Variants in ANKRD6 observed in about 807,000 individuals in gnomAD.
ANKRD6 encodes the protein ankyrin repeat domain-containing protein 6.
ANKRD6 carries 56 observed loss-of-function variants against 82.3 expected under a neutral mutation model. The observed-to-expected ratio is 0.68, with a 90% CI of 0.55 to 0.85. The LOEUF is 0.85. Ranked by LOEUF, ANKRD6 falls within the 40% of genes least tolerant of loss-of-function variation. ANKRD6 has a pLI of 0.00. For synonymous variants in ANKRD6, 347 were observed against 352.1 expected (o/e 0.99, Z 0.16); for missense variants, 852 against 907.6 (o/e 0.94, Z 0.79).
intron 1 of ANKRD6, among the ~76,000 whole-genome samples, chr6:89,455,800 T>A (rs888313422): frequency 1.1e-4 from 17 of 152,164 alleles, no homozygotes; most frequent in African/African-American, 3.9e-4. Flanking sequence ...ATGCTTCCTG[T>A]ACAGCCTGCA....
chr6:89,616,256 G>A (rs768825386), intron 7 of ANKRD6: 25 of 348,396 alleles, frequency 7.2e-5, no homozygotes, highest in South Asian at 1.1e-4. Context: ...TCCTGTCCTC[G>A]TGAGGCTTCA....
intron 2 of ANKRD6, among the ~76,000 whole-genome samples, chr6:89,590,179 C>A (rs1794598764): frequency 6.6e-6 from 1 of 152,098 alleles, no homozygotes; most frequent in African/African-American, 2.4e-5. Context: ...TAGGTTGTGG[C>A]AAGGCAGTAT....
intron 1 of ANKRD6, among the ~76,000 whole-genome samples, chr6:89,546,047 T>C (rs1010614062): frequency 6.6e-6 from 1 of 152,196 alleles, no homozygotes; most frequent in Admixed American, 6.6e-5. Flanking sequence ...GACCTCATGA[T>C]CTGCCCGCCT....
chr6:89,584,768 G>A (rs990794845), intron 2 of ANKRD6, among the ~76,000 whole-genome samples: 36 of 152,182 alleles, frequency 2.4e-4, no homozygotes, highest in African/African-American at 8.4e-4. Flanking sequence ...AAAATACCAC[G>A]TATTCGGTGG....
rs147920615 is a variant in ANKRD6, at chr6:89,454,839, C to T, written c.-144+21464C>T. Among the ~76,000 whole-genome samples, 8 of 151,930 alleles carry T rather than the reference C, an allele frequency of 5.3e-5. No individual in the cohort carries two copies. The East Asian group carries it at 7.7e-4, about 15-fold the overall frequency. ...TTGTCCCTTTAGATGTTTTTGTTGTCTTCTGAGGTTTGTTTGTTTGAGAGG... is the reference window on the plus strand; with the variant it reads ...TTGTCCCTTTAGATGTTTTTGTTGTTTTCTGAGGTTTGTTTGTTTGAGAGG... On this transcript the variant is annotated intron_variant, in intron 1 of 15. Transcript: ENST00000339746.
chr6:89,533,791 G>A (rs1783492336), intron 1 of ANKRD6, among the ~76,000 whole-genome samples: 2 of 150,478 alleles, frequency 1.3e-5, no homozygotes, highest in South Asian at 4.2e-4. Flanking sequence ...TCCATGACCA[G>A]TGTACTCCCC....
rs760856877 is a variant in ANKRD6, at chr6:89,566,933, G to A, written c.-44G>A. 1 of 1,552,136 alleles carries A rather than the reference G, an allele frequency of 6.4e-7. No individual in the cohort carries two copies. Among genetic ancestry groups the A allele is most frequent in the South Asian group, 1.2e-5 (1 of 84,056 alleles). ...GCCAGTGACTTCGTGTTGAGCTGAA[G>A]GAACTTGTCTACCGCTTCCCTGAAA... is the stretch of plus-strand genomic sequence containing the variant. On this transcript the variant is annotated 5_prime_UTR_variant, in exon 2 of 16. Transcript: ENST00000339746.
chr6:89,470,248 C>T (rs548373136), intron 1 of ANKRD6, among the ~76,000 whole-genome samples: 1 of 152,298 alleles, frequency 6.6e-6, no homozygotes, highest in South Asian at 2.1e-4. Context: ...TACATCTTTA[C>T]AAGCTAGTTC....
rs577214650 is a variant in ANKRD6, at chr6:89,632,194, T to C, written c.*1190T>C. The C allele has an allele frequency of 3.3e-5, 5 of 152,346 alleles. No individual in the cohort carries two copies. The highest frequency in any genetic ancestry group is 7.4e-5 in the Non-Finnish European group (5 of 68,020). The allele number at this position is 152,346 out of a possible 1,614,324, so 9.4% of individuals were successfully genotyped here. The stretch of plus-strand genomic sequence containing the variant: ...TATAGACACAGGAACCTAGTGACTA[T>C]TGAACGTAATTGTAATAAAATGCTG... On this transcript the variant is annotated 3_prime_UTR_variant, in exon 16 of 16. Coordinates refer to ENST00000339746, the MANE Select transcript of ANKRD6 (RefSeq NM_001242809.2).
At chr6:89,490,287 A>G (rs1410966229) in intron 1 of ANKRD6, among the ~76,000 whole-genome samples, 1 of 152,204 alleles carries the variant, frequency 6.6e-6, no homozygotes, top group Non-Finnish European at 1.5e-5. Context: ...AATCAGTTTT[A>G]TGGGTGCAAC....
intron 2 of ANKRD6, among the ~76,000 whole-genome samples, chr6:89,582,038 T>C (rs1190166593): frequency 6.6e-6 from 1 of 152,242 alleles, no homozygotes; most frequent in East Asian, 1.9e-4. Flanking sequence ...CTTAGGCTTT[T>C]GTAGTTTATC....
intron 1 of ANKRD6, among the ~76,000 whole-genome samples, chr6:89,539,741 C>CTTTTTTTTTTTT (rs570865099): frequency 4.9e-5 from 7 of 142,684 alleles, no homozygotes; most frequent in Admixed American, 3.5e-4. Context: ...AGGTCTTATT[C>CTTTTTTTTTTTT]TTTTTTTTTT....
intron 9 of ANKRD6, among the ~76,000 whole-genome samples, chr6:89,619,102 A>G (rs1802342420): frequency 6.6e-6 from 1 of 151,952 alleles, no homozygotes; most frequent in South Asian, 2.1e-4. Flanking sequence ...AATGGTTAAG[A>G]TTTTTGTCTT....
chr6:89,460,577 A>G (rs942788673), intron 1 of ANKRD6, among the ~76,000 whole-genome samples: 3 of 151,958 alleles, frequency 2.0e-5, no homozygotes, highest in Non-Finnish European at 4.4e-5. Flanking sequence ...CTGGGATTAC[A>G]GACGCCTGCC....
chr6:89,459,178 A>G (rs1773836840), intron 1 of ANKRD6, among the ~76,000 whole-genome samples: 1 of 152,122 alleles, frequency 6.6e-6, no homozygotes, highest in Non-Finnish European at 1.5e-5. Flanking sequence ...TCCTGGGTTC[A>G]AACGATTCTC....
chr6:89,598,188 A>C (rs1246760883), intron 3 of ANKRD6: 1 of 985,418 alleles, frequency 1.0e-6, no homozygotes, highest in Non-Finnish European at 1.2e-6. Context: ...AACCTGTGGA[A>C]ACCAGTTCTT....
At chr6:89,461,906 C>T (rs943712019) in intron 1 of ANKRD6, among the ~76,000 whole-genome samples, 3 of 152,074 alleles carry the variant, frequency 2.0e-5, no homozygotes, top group Non-Finnish European at 4.4e-5. Context: ...CTGTACTCCA[C>T]AAGCTCATTA....
chr6:89,476,222 G>A (rs1190185788), intron 1 of ANKRD6, among the ~76,000 whole-genome samples: 2 of 151,832 alleles, frequency 1.3e-5, no homozygotes, highest in Non-Finnish European at 2.9e-5. Context: ...TTCTTGCTTT[G>A]TTGTCCAGAC....
intron 4 of ANKRD6, among the ~76,000 whole-genome samples, chr6:89,604,155 C>T (rs6899708): frequency 0.099 from 15,023 of 152,160 alleles, 969 homozygotes; most frequent in South Asian, 0.17. Context: ...GGTGAAACCC[C>T]GTTTCTACTA....
Sources: allele counts gnomAD v4.1 joint callset (sites outside exome capture counted in the v4.1 genomes callset), GRCh38; gene constraint gnomAD v4.1.1; transcripts MANE v1.5; gene names NCBI Gene and HGNC (gene_info 2026-07-23, HGNC 2026-07-21).